The following KCNMA1 variants were observed in gnomAD, a reference collection of about 807,000 sequenced individuals.
The protein encoded by KCNMA1 is potassium calcium-activated channel subfamily M alpha 1.
KCNMA1 carries 29 observed loss-of-function variants against 140.0 expected under a neutral mutation model. That is an observed-to-expected ratio of 0.21 (90% CI 0.15 to 0.28). The LOEUF (loss-of-function observed/expected upper bound fraction) is 0.28. Among genes scored for constraint, KCNMA1 ranks in the 10% least tolerant of loss-of-function variants. The pLI is 1.00. For synonymous variants in KCNMA1, 612 were observed against 611.9 expected (o/e 1.00, Z 0.00); for missense variants, 880 against 1,602.2 (o/e 0.55, Z 7.70).
intron 5 of KCNMA1, among the ~76,000 whole-genome samples, chr10:77,144,634 T>C (rs944830851): frequency 2.0e-5 from 3 of 152,178 alleles, no homozygotes; most frequent in Non-Finnish European, 2.9e-5. Context: ...AGATGGTATC[T>C]CCCTGTCAAC....
intron 14 of KCNMA1, among the ~76,000 whole-genome samples, chr10:77,048,144 A>T (rs1335762724): frequency 3.3e-5 from 5 of 152,048 alleles, no homozygotes; most frequent in African/African-American, 4.8e-5. Context: ...GAATTACAAA[A>T]AAATGAAAAG....
chr10:77,487,049 G>A (rs1026591711), intron 1 of KCNMA1, among the ~76,000 whole-genome samples: 14 of 152,174 alleles, frequency 9.2e-5, no homozygotes, highest in Admixed American at 9.2e-4. Context: ...AATACCAGCA[G>A]TGTTCCCCAT....
chr10:77,462,683 C>T (rs2097901143), intron 1 of KCNMA1, among the ~76,000 whole-genome samples: 1 of 152,224 alleles, frequency 6.6e-6, no homozygotes, highest in African/African-American at 2.4e-5. Context: ...TGGGCTCTCC[C>T]CCGGGAGAGA....
intron 10 of KCNMA1, among the ~76,000 whole-genome samples, chr10:77,089,781 G>A (rs2096773220): frequency 1.3e-5 from 2 of 152,182 alleles, no homozygotes; most frequent in Admixed American, 6.5e-5. Flanking sequence ...CTGAGGCACA[G>A]GGAGCTTAAG....
At chr10:76,995,819 C>A in intron 19 of KCNMA1, 1 of 391,024 alleles carries the variant, frequency 2.6e-6, no homozygotes, top group Admixed American at 2.9e-5. Flanking sequence ...CTTAAAGAGC[C>A]GAGTCATTTA....
At chr10:77,276,643 C>A (rs1486482621) in intron 2 of KCNMA1, among the ~76,000 whole-genome samples, 1 of 152,120 alleles carries the variant, frequency 6.6e-6, no homozygotes, top group Non-Finnish European at 1.5e-5. Flanking sequence ...TTTGTTCATA[C>A]ACAGATTGAC....
chr10:77,033,072 GC>G (rs2094054850), intron 15 of KCNMA1, among the ~76,000 whole-genome samples: 1 of 152,072 alleles, frequency 6.6e-6, no homozygotes, highest in African/African-American at 2.4e-5. Flanking sequence ...CAAAGCACCA[GC>G]CCCTCTTCAG....
intron 1 of KCNMA1, chr10:77,634,377 C>CT: frequency 1.0e-6 from 1 of 985,408 alleles, no homozygotes; most frequent in East Asian, 1.1e-4. Flanking sequence ...TTTCAAAAGA[C>CT]TAAAGTCATT....
At chr10:76,987,450 T>G (rs937576891) in intron 19 of KCNMA1, among the ~76,000 whole-genome samples, 1 of 152,180 alleles carries the variant, frequency 6.6e-6, no homozygotes. Flanking sequence ...ATAGTAAATA[T>G]TTTGAGCTTT....
intron 12 of KCNMA1, 40 bp from the exon 13 acceptor site, chr10:77,079,590 A>T: frequency 7.4e-7 from 1 of 1,347,792 alleles, no homozygotes; most frequent in Non-Finnish European, 1.1e-6. Flanking sequence ...GGTCTGCCTT[A>T]TGCATGGTGT....
chr10:77,219,173 A>G (rs1298512286), intron 3 of KCNMA1, among the ~76,000 whole-genome samples: 2 of 152,114 alleles, frequency 1.3e-5, no homozygotes, highest in African/African-American at 4.8e-5. Context: ...TGCTTAATAA[A>G]TTCACTTTAC....
intron 2 of KCNMA1, among the ~76,000 whole-genome samples, chr10:77,339,362 C>T (rs10509387): frequency 0.26 from 39,569 of 152,080 alleles, 6,494 homozygotes; most frequent in Non-Finnish European, 0.38. Flanking sequence ...CTCATCTAAT[C>T]TGCTGCCTTT....
chr10:77,439,164 A>AGAG lies in KCNMA1; in HGVS notation c.379-35142_379-35141insCTC, dbSNP rs1566859379. On this transcript the variant is annotated intron_variant, in intron 1 of 27. Coordinates refer to ENST00000286628, the MANE Select transcript of KCNMA1 (RefSeq NM_001161352.2). ...AGAGAAGAGAAAAGAGAAGAGAAGAAAAGAAAAGAGAAGAGAAGATTCCAA... is the reference window on the plus strand; with the variant it reads ...AGAGAAGAGAAAAGAGAAGAGAAGAAGAGAAGAAAAGAGAAGAGAAGATTCCAA... Among the ~76,000 whole-genome samples the AGAG allele has an allele frequency of 1.6e-3, 183 of 117,306 alleles. 1 individual carries two copies. Among genetic ancestry groups the AGAG allele is most frequent in the Middle Eastern group, 8.5e-3 (2 of 236 alleles). The allele number at this position is 117,306 out of a possible 152,430, so 77.0% of individuals were successfully genotyped here. A position where few individuals can be genotyped will look rare whatever the true frequency, so the allele number is the denominator to read the frequency against.
intron 5 of KCNMA1, among the ~76,000 whole-genome samples, chr10:77,169,131 A>G (rs764831635): frequency 5.9e-5 from 9 of 152,218 alleles, no homozygotes; most frequent in Non-Finnish European, 1.3e-4. Context: ...GGAAGAGGCA[A>G]GTAACAGGAT....
intron 2 of KCNMA1, among the ~76,000 whole-genome samples, chr10:77,279,565 G>A (rs915996905): frequency 2.6e-5 from 4 of 152,098 alleles, no homozygotes; most frequent in Non-Finnish European, 2.9e-5. Flanking sequence ...AAGCCCAAAC[G>A]TCACACAGCA....
intron 1 of KCNMA1, among the ~76,000 whole-genome samples, chr10:77,550,974 C>G (rs1185869474): frequency 1.3e-5 from 2 of 152,160 alleles, no homozygotes; most frequent in Non-Finnish European, 2.9e-5. Flanking sequence ...TCAACTGATT[C>G]AGAGATGTGG....
At chr10:77,293,449 A>T (rs151002432) in intron 2 of KCNMA1, among the ~76,000 whole-genome samples, 29 of 152,314 alleles carry the variant, frequency 1.9e-4, no homozygotes, top group African/African-American at 6.5e-4. Context: ...GCCATGGTAC[A>T]GAAGAGGTAA....
chr10:77,078,273 T>C (rs1450584939), intron 13 of KCNMA1, among the ~76,000 whole-genome samples: 2 of 152,190 alleles, frequency 1.3e-5, no homozygotes, highest in African/African-American at 4.8e-5. Flanking sequence ...CTCCGGTTTC[T>C]AGGTTTCATT....
intron 19 of KCNMA1, among the ~76,000 whole-genome samples, chr10:76,999,769 TACTTTGAAGTGAATCCTGTCCCTTGGC>T (rs1020794317): frequency 6.6e-6 from 1 of 152,242 alleles, no homozygotes; most frequent in African/African-American, 2.4e-5. Context: ...CATTAGGTAT[TACTTTGAAGTGAATCCTGTCCCTTGGC>T]ACTGCTCTGG....
Sources: allele counts gnomAD v4.1 joint callset (sites outside exome capture counted in the v4.1 genomes callset), GRCh38; gene constraint gnomAD v4.1.1; transcripts MANE v1.5; gene names NCBI Gene and HGNC (gene_info 2026-07-23, HGNC 2026-07-21).